The following PPIC variants were observed in gnomAD, a reference collection of about 807,000 sequenced individuals.
PPIC encodes the protein peptidyl-prolyl cis-trans isomerase C.
A neutral mutation model predicts 19.5 loss-of-function variants in PPIC; 19 were observed. That is an observed-to-expected ratio of 0.98 (90% CI 0.68 to 1.43). The LOEUF is 1.43. Among genes scored for constraint, PPIC ranks in the 40% most tolerant of loss-of-function variants. PPIC has a pLI of 0.00. For missense variants in PPIC, 268 were observed against 268.6 expected (o/e 1.00, Z 0.02); for synonymous variants, 107 against 101.2 (o/e 1.06, Z -0.34).
At position 123,036,304 on chromosome 5, in the gene PPIC, C is replaced by T. The variant is rs1224022279; in HGVS notation, c.117+205G>A. 4 of 585,208 alleles carry T rather than the reference C, an allele frequency of 6.8e-6. No homozygotes were observed. The highest frequency in any genetic ancestry group is 1.9e-5 in the African/African-American group (1 of 51,824). 36.3% of individuals were successfully genotyped at this position (585,208 alleles called of 1,614,324 possible). On this transcript the variant is annotated intron_variant, in intron 1 of 4. Coordinates refer to ENST00000306442, the MANE Select transcript of PPIC (RefSeq NM_000943.5). The surrounding 1 kb of genome is among the most constrained non-coding windows in gnomAD (Gnocchi z 4.5). ...TGCGGCGGAGGTAGGCTGGCCTCAG[C>T]CCAGCTCCCCCAGGGTCTCCCCCGG...
chr5:123,024,054 C>T (rs1762813616), intron 4 of PPIC, 51 bp from the exon 5 acceptor site: 1 of 1,577,014 alleles, frequency 6.3e-7, no homozygotes, highest in Non-Finnish European at 8.6e-7. Context: ...GCAGCTATAG[C>T]AATCCAAAGG....
At chr5:123,026,065 C>G in intron 3 of PPIC, 97 bp from the exon 4 acceptor site, 1 of 1,053,038 alleles carries the variant, frequency 9.5e-7, no homozygotes, top group Non-Finnish European at 1.3e-6. Flanking sequence ...TACTAGAACC[C>G]TATAGGAGGT....
Position 123,036,537 on chromosome 5 carries a change from C to T in PPIC, c.89G>A (p.Arg30His). 1.9e-6 allele frequency: 3 copies of T among 1,605,166 alleles called. No individual in the cohort carries two copies. Among genetic ancestry groups the T allele is most frequent in the Non-Finnish European group, 2.5e-6 (3 of 1,177,268 alleles). The change falls in exon 1 of 5, where the codon CGC becomes CAC. Residue 30 changes from arginine (R) to histidine (H), a missense_variant. Arg to His is a conservative substitution (Grantham distance 29). Transcript: ENST00000306442. The surrounding 1 kb of genome is among the most constrained non-coding windows in gnomAD (Gnocchi z 4.5). The part of the protein sequence containing the change: ...LVFSSGAEGF[R>H]KRGPSVTAKV... ...GGCCGTCACCGAGGGGCCTCGCTTG[C>T]GGAAGCCCTCGGCCCCCGAAGAAAA...
At position 123,028,984 on chromosome 5, in the gene PPIC, G is replaced by C; in HGVS notation, c.232-116C>G. The stretch of plus-strand genomic sequence containing the variant: ...ATTAAACAAAATGCCTACAGAACTT[G>C]ATTCTATCCCAGCTATGGTTTACTG... On this transcript the variant is annotated intron_variant, in intron 2 of 4. Coordinates refer to ENST00000306442, the MANE Select transcript of PPIC (RefSeq NM_000943.5). 5 of 975,770 alleles carry C rather than the reference G, an allele frequency of 5.1e-6. No individual in the cohort carries two copies. The Admixed American group carries it at 8.3e-5, about 16-fold the overall frequency. The allele number at this position is 975,770 out of a possible 1,614,324, so 60.4% of individuals were successfully genotyped here. A position where few individuals can be genotyped will look rare whatever the true frequency, so the allele number is the denominator to read the frequency against.
chr5:123,034,879 A>T (rs1762984654), intron 1 of PPIC, among the ~76,000 whole-genome samples: 1 of 151,974 alleles, frequency 6.6e-6, no homozygotes, highest in African/African-American at 2.4e-5. Flanking sequence ...GCCCTGAATG[A>T]CCTCCCATTT....
intron 1 of PPIC, among the ~76,000 whole-genome samples, chr5:123,031,994 G>A (rs577977100): frequency 1.3e-5 from 2 of 152,078 alleles, no homozygotes; most frequent in South Asian, 2.1e-4. Flanking sequence ...ACGGGGTTTC[G>A]CCATATTGGC....
Position 123,036,230 on chromosome 5 carries a change from A to C in PPIC, c.117+279T>G. On this transcript the variant is annotated intron_variant, in intron 1 of 4. Transcript: ENST00000306442. This position sits in a 1 kb window ranked among gnomAD's most constrained non-coding sequence, Gnocchi z 4.5. The stretch of plus-strand genomic sequence containing the variant: ...GGTTCCGGAAGCCTCTCCTACCCCC[A>C]GGCTGGTCACCTCGGACTACCGACC... The C allele has an allele frequency of 4.2e-6, 2 of 476,444 alleles. No individual in the cohort carries two copies. Among genetic ancestry groups the C allele is most frequent in the Admixed American group, 3.6e-5 (1 of 28,132 alleles). The allele number at this position is 476,444 out of a possible 1,614,324, so 29.5% of individuals were successfully genotyped here.
intron 4 of PPIC, among the ~76,000 whole-genome samples, chr5:123,024,784 T>C (rs1310725036): frequency 6.6e-6 from 1 of 151,744 alleles, no homozygotes; most frequent in Non-Finnish European, 1.5e-5. Flanking sequence ...ATGAGGGAGG[T>C]AGAATAAGTC....
chr5:123,033,206 TAAACAC>T (rs937702184), intron 1 of PPIC, among the ~76,000 whole-genome samples: 2 of 152,228 alleles, frequency 1.3e-5, no homozygotes, highest in African/African-American at 4.8e-5. Flanking sequence ...ATTAAGAAGA[TAAACAC>T]AAATAACACT....
rs1476610386 is a variant in PPIC at position 123,023,829 on chromosome 5, C to CAT, written c.*45_*46insAT. 2 of 1,606,014 alleles carry CAT rather than the reference C, an allele frequency of 1.2e-6. No individual in the cohort carries two copies. The highest frequency in any genetic ancestry group is 1.7e-6 in the Non-Finnish European group (2 of 1,176,068). On this transcript the variant is annotated 3_prime_UTR_variant, in exon 5 of 5. Transcript: ENST00000306442. ...CACAACACACACACACACACACACA[C>CAT]ACACACACCCCTGCCAAAGCATATC...
At position 123,023,297 on chromosome 5, in the gene PPIC, A is replaced by G. The variant is rs1762789164; in HGVS notation, c.*578T>C. ...TAGTTTGATTTATAAAATCTTTCTA[A>G]TCTGTTCACTGTTAATGCTAGAGTG... is the stretch of plus-strand genomic sequence containing the variant. On this transcript the variant is annotated 3_prime_UTR_variant, in exon 5 of 5. Transcript: ENST00000306442. 6.6e-6 allele frequency: 1 copy of G among 152,190 alleles called. No homozygotes were observed. Among genetic ancestry groups the G allele is most frequent in the Admixed American group, 6.5e-5 (1 of 15,280 alleles). The allele number at this position is 152,190 out of a possible 1,614,324, so 9.4% of individuals were successfully genotyped here.
At chr5:123,026,969 C>A (rs1762868677) in intron 3 of PPIC, among the ~76,000 whole-genome samples, 1 of 152,080 alleles carries the variant, frequency 6.6e-6, no homozygotes, top group African/African-American at 2.4e-5. Flanking sequence ...CTGAGGCGGG[C>A]AGATCGCAAG....
At chr5:123,028,937 C>A in intron 2 of PPIC, 69 bp from the exon 3 acceptor site, 2 of 1,307,740 alleles carry the variant, frequency 1.5e-6, no homozygotes, top group Non-Finnish European at 2.2e-6. Flanking sequence ...CAGTGTTGAT[C>A]TAGAAAGGAC....
Position 123,023,843 on chromosome 5 carries a change from C to G in PPIC, c.*32G>C, listed in dbSNP as rs966611319. ...ACACACACACACACACACACCCCTG[C>G]CAAAGCATATCCTTGTTTTCTGCCA... On this transcript the variant is annotated 3_prime_UTR_variant, in exon 5 of 5. Transcript: ENST00000306442. 6.2e-7 allele frequency: 1 copy of G among 1,607,224 alleles called. No individual in the cohort carries two copies. Among genetic ancestry groups the G allele is most frequent in the Non-Finnish European group, 8.5e-7 (1 of 1,176,818 alleles).
At chr5:123,031,075 T>A (rs889663190) in intron 1 of PPIC, among the ~76,000 whole-genome samples, 1 of 141,450 alleles carries the variant, frequency 7.1e-6, no homozygotes, top group Non-Finnish European at 1.6e-5. Context: ...ATTATTATAA[T>A]TTTTTTCCCC....
intron 1 of PPIC, among the ~76,000 whole-genome samples, chr5:123,034,161 T>G (rs555872803): frequency 6.8e-4 from 104 of 152,350 alleles, no homozygotes; most frequent in African/African-American, 2.5e-3. Context: ...AATGGCCAAT[T>G]AATGTACTTG....
intron 1 of PPIC, among the ~76,000 whole-genome samples, chr5:123,030,920 AAAG>A (rs1762932013): frequency 6.6e-6 from 1 of 152,234 alleles, no homozygotes; most frequent in South Asian, 2.1e-4. Flanking sequence ...CTTTTAAAAT[AAAG>A]AAGAGAAAAC....
chr5:123,029,417 A>C lies in PPIC; in HGVS notation c.119T>G (p.Val40Gly), dbSNP rs943666012. The change falls in exon 2 of 5, where the codon GTC becomes GGC. Residue 40 changes from valine to glycine, a missense_variant and splice_region_variant. Physicochemically the swap from Val to Gly is moderately radical, Grantham distance 109 (BLOSUM62 -3). Transcript: ENST00000306442. ...RKRGPSVTAK[V>G]FFDVRIGDKD... ...GTCTCCAATCCTCACATCAAAGAAG[A>C]CCTGTGTGCAGTTGAAAGGCAAAGT... 6.3e-7 allele frequency: 1 copy of C among 1,582,106 alleles called. No individual in the cohort carries two copies. The highest frequency in any genetic ancestry group is 1.4e-5 in the African/African-American group (1 of 73,638).
chr5:123,027,430 A>C (rs1762876478), intron 3 of PPIC, among the ~76,000 whole-genome samples: 2 of 152,234 alleles, frequency 1.3e-5, no homozygotes, highest in Admixed American at 1.3e-4. Context: ...AGTGAAGCTC[A>C]GTCACCATTC....
Sources: gnomAD v4.1 joint callset for allele counts (sites outside exome capture counted in the v4.1 genomes callset) on GRCh38, gnomAD v4.1.1 for gene constraint, Gnocchi (gnomAD v3.1) non-coding constraint, MANE v1.5 for transcripts, NCBI Gene and HGNC (gene_info 2026-07-23, HGNC 2026-07-21) for gene names.